Variants in ZNF518A observed in about 807,000 individuals in gnomAD.
ZNF518A encodes the protein zinc finger protein 518A.
In ZNF518A, 47 loss-of-function variants were observed where a neutral mutation model predicts 102.7. The observed-to-expected ratio is 0.46, with a 90% CI of 0.36 to 0.58. The LOEUF (loss-of-function observed/expected upper bound fraction) is 0.58. Among genes scored for constraint, ZNF518A ranks in the 20% least tolerant of loss-of-function variants. ZNF518A has a pLI of 0.00. For synonymous variants in ZNF518A, 652 were observed against 594.6 expected, an observed-to-expected ratio of 1.10 and a Z score of -1.40; for missense variants, 1,793 against 1,699.8, an observed-to-expected ratio of 1.05 and a Z score of -0.96.
Position 96,156,621 on chromosome 10 carries a change from A to G in ZNF518A, c.299A>G (p.His100Arg). 2 of 1,613,844 alleles carry G rather than the reference A, an allele frequency of 1.2e-6. No homozygotes were observed. The highest frequency in any genetic ancestry group is 1.7e-6 in the Non-Finnish European group (2 of 1,179,786). ...TGTGTAGAGGAGTGTACATTGCTTC[A>G]TAAGTCTGAGAGAGCTGAAGAAGAG... ...VSCVEECTLL[H>R]KSERAEEEGV... Residue 100 changes from histidine (H) to arginine (R), a missense_variant, in exon 6 of 6, where the codon CAT (histidine) becomes CGT (arginine). Transcript: ENST00000316045.
intron 3 of ZNF518A, among the ~76,000 whole-genome samples, chr10:96,153,065 C>T (rs1330541672): frequency 6.6e-6 from 1 of 152,142 alleles, no homozygotes; most frequent in African/African-American, 2.4e-5. Context: ...CCAGAGAACC[C>T]AATGGTCCAA....
intron 1 of ZNF518A, among the ~76,000 whole-genome samples, chr10:96,172,100 C>A (rs183200638): frequency 6.6e-6 from 1 of 152,174 alleles, no homozygotes; most frequent in East Asian, 1.9e-4. Flanking sequence ...ACCTACCTTT[C>A]AGTAAATACT....
At chr10:96,150,073 T>G (rs1461302063) in intron 3 of ZNF518A, among the ~76,000 whole-genome samples, 11 of 151,348 alleles carry the variant, frequency 7.3e-5, no homozygotes, top group Non-Finnish European at 1.6e-4. Flanking sequence ...GGCTGTAATC[T>G]GAGCACTTTG....
chr10:96,186,836 A>G (rs587649265), intron 1 of ZNF518A, among the ~76,000 whole-genome samples: 2 of 152,250 alleles, frequency 1.3e-5, no homozygotes, highest in Non-Finnish European at 2.9e-5. Flanking sequence ...AACCATAGCA[A>G]TATCCTTCTC....
At position 96,158,696 on chromosome 10, in the gene ZNF518A, A is replaced by G. The variant is rs782676338; in HGVS notation, c.2374A>G (p.Lys792Glu). 5.6e-6 allele frequency: 9 copies of G among 1,613,418 alleles called. 1 individual carries two copies. The South Asian group carries it at 7.7e-5, about 14-fold the overall frequency. ...AAACCAATTGCTTCAGGATGTATTG[A>G]AAATAAAACCTGATGTAAAACAAGA... ...EVNQLLQDVL[K>E]IKPDVKQDSS... is the part of the protein sequence containing the mutation. The change falls in exon 6 of 6, where the codon AAA becomes GAA. Residue 792 changes from lysine to glutamate, a missense_variant. Lys to Glu is a moderately conservative substitution (Grantham distance 56). Transcript: ENST00000316045.
intron 1 of ZNF518A, among the ~76,000 whole-genome samples, chr10:96,180,857 C>A (rs1222448408): frequency 3.9e-5 from 6 of 152,150 alleles, no homozygotes; most frequent in Non-Finnish European, 1.5e-5. Flanking sequence ...TGGGTATATA[C>A]CCAGTAATGT....
chr10:96,139,689 T>A (rs911221089), intron 3 of ZNF518A, among the ~76,000 whole-genome samples: 1 of 152,040 alleles, frequency 6.6e-6, no homozygotes, highest in Non-Finnish European at 1.5e-5. Context: ...AGAAGAACAT[T>A]TGCTCCTGTG....
At chr10:96,181,202 T>C (rs2083238263) in intron 1 of ZNF518A, among the ~76,000 whole-genome samples, 1 of 152,174 alleles carries the variant, frequency 6.6e-6, no homozygotes, top group Non-Finnish European at 1.5e-5. Context: ...GTTTGATTTT[T>C]TCTTGTAAAT....
rs587656265 is a variant in ZNF518A, at chr10:96,201,580, C to T, written n.36-1994C>T. On this transcript the variant is annotated intron_variant and non_coding_transcript_variant, in intron 1 of 2. Coordinates refer to the ZNF518A transcript ENST00000442635. Reference sequence around the variant, plus strand: ...TTAAAATACTAGGTATCAATAGAAACATGTAAACCAAAGCTCTTTGGGTCT... The same window carrying T: ...TTAAAATACTAGGTATCAATAGAAATATGTAAACCAAAGCTCTTTGGGTCT... 2.0e-5 allele frequency among the ~76,000 whole-genome samples: 3 copies of T among 152,218 alleles called. No homozygotes were observed. In the South Asian group the frequency reaches 6.2e-4, roughly 32 times the overall value.
intron 3 of ZNF518A, among the ~76,000 whole-genome samples, chr10:96,141,251 G>C (rs587621118): frequency 3.3e-5 from 5 of 152,298 alleles, no homozygotes; most frequent in East Asian, 3.9e-4. Flanking sequence ...TTATGTAATA[G>C]TATAAAGCAA....
intron 3 of ZNF518A, among the ~76,000 whole-genome samples, chr10:96,147,137 T>A (rs1671374235): frequency 6.6e-6 from 1 of 152,178 alleles, no homozygotes; most frequent in Non-Finnish European, 1.5e-5. Context: ...GATCTGGATA[T>A]AAAGGTATGG....
At chr10:96,191,736 T>G in intron 1 of ZNF518A, 1 of 428,436 alleles carries the variant, frequency 2.3e-6, no homozygotes. Context: ...TGGAAAATAT[T>G]AGTAGCATGA....
intron 1 of ZNF518A, among the ~76,000 whole-genome samples, chr10:96,184,323 T>C (rs2083258231): frequency 6.6e-6 from 1 of 152,242 alleles, no homozygotes; most frequent in Non-Finnish European, 1.5e-5. Flanking sequence ...TATTGTTACA[T>C]GTGAATTTGA....
chr10:96,183,912 G>A (rs1373986371), intron 1 of ZNF518A, among the ~76,000 whole-genome samples: 1 of 152,010 alleles, frequency 6.6e-6, no homozygotes, highest in Non-Finnish European at 1.5e-5. Context: ...TTGACAATGG[G>A]GTGTTAAATT....
downstream of ZNF518A, among the ~76,000 whole-genome samples, chr10:96,167,338 C>G (rs2083147638): frequency 1.3e-5 from 2 of 152,024 alleles, no homozygotes; most frequent in Admixed American, 1.3e-4. Flanking sequence ...CCTGTAGTCC[C>G]AGCTACTCAG....
rs587618992 is a variant in ZNF518A at position 96,194,607 on chromosome 10, G to T, written n.36-8967G>T. ...TTGCAAATCATTTATCTGATAAGGGGTTAATATCCAGAAACATAAAGAACT... is the reference window on the plus strand; with the variant it reads ...TTGCAAATCATTTATCTGATAAGGGTTTAATATCCAGAAACATAAAGAACT... On this transcript the variant is annotated intron_variant and non_coding_transcript_variant, in intron 1 of 2. Transcript: ENST00000442635. Among the ~76,000 whole-genome samples, 17 of 152,158 alleles carry T rather than the reference G, an allele frequency of 1.1e-4. No individual in the cohort carries two copies. The East Asian group carries it at 2.7e-3, about 24-fold the overall frequency.
chr10:96,147,995 G>A (rs903144504), intron 3 of ZNF518A, among the ~76,000 whole-genome samples: 1 of 151,742 alleles, frequency 6.6e-6, no homozygotes, highest in Non-Finnish European at 1.5e-5. Context: ...TTTTTTCTGA[G>A]AGGTTATTTC....
At chr10:96,185,755 T>C (rs1398478973) in intron 1 of ZNF518A, among the ~76,000 whole-genome samples, 3 of 152,182 alleles carry the variant, frequency 2.0e-5, no homozygotes, top group Non-Finnish European at 4.4e-5. Flanking sequence ...CCAGTTAGGC[T>C]ACACAGGGGA....
At position 96,159,460 on chromosome 10, in the gene ZNF518A, A is replaced by G. The variant is rs782495388; in HGVS notation, c.3138A>G (p.Pro1046=). Residue 1046 remains proline (P), a synonymous_variant, in exon 6 of 6, where the codon CCA becomes CCG. Coordinates refer to ENST00000316045, the MANE Select transcript of ZNF518A (RefSeq NM_001330736.2). ...SMKSSSENTL[P]LKGPYILKPT... ...AAAGTAGCTCAGAAAATACTTTGCC[A>G]TTAAAAGGCCCTTACATTTTGAAAC... 5 of 1,613,832 alleles carry G rather than the reference A, an allele frequency of 3.1e-6. No homozygotes were observed. The South Asian group carries it at 4.4e-5, about 14-fold the overall frequency.
Sources: gnomAD v4.1 joint callset for allele counts (sites outside exome capture counted in the v4.1 genomes callset) on GRCh38, gnomAD v4.1.1 for gene constraint, MANE v1.5 for transcripts, NCBI Gene and HGNC (gene_info 2026-07-23, HGNC 2026-07-21) for gene names.